The following MARK1 variants were observed in gnomAD, a reference collection of about 807,000 sequenced individuals.
MARK1 encodes the protein microtubule affinity regulating kinase 1, also known as serine/threonine-protein kinase MARK1.
MARK1 carries 40 observed loss-of-function variants against 96.3 expected under a neutral mutation model. The ratio of observed to expected loss-of-function variants is 0.42; its 90% CI spans 0.32 to 0.54. MARK1 has a LOEUF of 0.54. Ranked by LOEUF, MARK1 falls within the 20% of genes least tolerant of loss-of-function variation. MARK1 has a pLI of 0.16. For synonymous variants in MARK1, 317 were observed against 341.2 expected (o/e 0.93, Z 0.78); for missense variants, 719 against 984.6 (o/e 0.73, Z 3.61).
In MARK1 at chr1:220,535,179, G is replaced by A. The variant is rs184924662; in HGVS notation, c.51+6306G>A. 1.8e-4 allele frequency among the ~76,000 whole-genome samples: 28 copies of A among 152,190 alleles called. No individual in the cohort carries two copies. The East Asian group carries it at 5.4e-3, about 29-fold the overall frequency. On this transcript the variant is annotated intron_variant, in intron 1 of 17. Transcript: ENST00000366917. ...GCAGCATTTTACATTTCCACCAACA[G>A]TGCACAAGGGTTGCAATTTCTCTAC... is the stretch of plus-strand genomic sequence containing the variant.
intron 3 of MARK1, among the ~76,000 whole-genome samples, chr1:220,587,528 C>A (rs1220438934): frequency 6.6e-6 from 1 of 152,046 alleles, no homozygotes; most frequent in African/African-American, 2.4e-5. Flanking sequence ...GCCACCAAGC[C>A]CAGCTAATTT....
rs1668861567 is a variant in MARK1, at chr1:220,651,342, C to T, written c.1571+622C>T. ...AGTCATTTCAGTAGTGTGTACAACC[C>T]ATTCTCACATTTGTTTCTTCTCACT... On this transcript the variant is annotated intron_variant, in intron 14 of 17. Coordinates refer to ENST00000366917, the MANE Select transcript of MARK1 (RefSeq NM_018650.5). Among the ~76,000 whole-genome samples, 3 of 152,194 alleles carry T rather than the reference C, an allele frequency of 2.0e-5. No homozygotes were observed. In the South Asian group the frequency reaches 6.2e-4, roughly 32 times the overall value.
chr1:220,581,240 G>A (rs544150517), intron 3 of MARK1, 122 bp downstream of exon 3: 138 of 368,468 alleles, frequency 3.7e-4, no homozygotes, highest in Admixed American at 2.1e-3. Flanking sequence ...AATATAAGAA[G>A]AAAAGACATA....
At chr1:220,612,081 T>C (rs1428259807) in intron 6 of MARK1, among the ~76,000 whole-genome samples, 3 of 152,188 alleles carry the variant, frequency 2.0e-5, no homozygotes, top group Non-Finnish European at 2.9e-5. Flanking sequence ...CACAGTAGCT[T>C]TTGTTAGTAG....
chr1:220,645,386 G>A (rs1292431034), intron 13 of MARK1, among the ~76,000 whole-genome samples: 1 of 152,140 alleles, frequency 6.6e-6, no homozygotes, highest in Non-Finnish European at 1.5e-5. Flanking sequence ...TCCCTGAATA[G>A]ACCAATAACA....
At chr1:220,532,922 G>A (rs907936926) in intron 1 of MARK1, among the ~76,000 whole-genome samples, 1 of 151,832 alleles carries the variant, frequency 6.6e-6, no homozygotes, top group African/African-American at 2.4e-5. Context: ...AGGTGGGAGG[G>A]TTGCTTGAGC....
chr1:220,559,296 A>C (rs989265361), intron 1 of MARK1, among the ~76,000 whole-genome samples: 1 of 152,208 alleles, frequency 6.6e-6, no homozygotes, highest in Non-Finnish European at 1.5e-5. Context: ...GAGAATAAAG[A>C]GGGATAGGTC....
At chr1:220,611,696 C>T (rs1428797449) in intron 6 of MARK1, among the ~76,000 whole-genome samples, 3 of 151,968 alleles carry the variant, frequency 2.0e-5, no homozygotes, top group African/African-American at 4.8e-5. Context: ...CTTGGAATGT[C>T]CCTCGACATG....
chr1:220,541,710 A>G (rs1661163148), intron 1 of MARK1, among the ~76,000 whole-genome samples: 1 of 152,180 alleles, frequency 6.6e-6, no homozygotes, highest in African/African-American at 2.4e-5. Flanking sequence ...TATCTGATGT[A>G]AGTTTGGCTA....
intron 6 of MARK1, among the ~76,000 whole-genome samples, chr1:220,607,892 C>A (rs2102935110): frequency 6.6e-6 from 1 of 152,234 alleles, no homozygotes; most frequent in South Asian, 2.1e-4. Context: ...CCTTGCATCC[C>A]AGGGATGAAG....
At chr1:220,601,295 A>C (rs987873815) in intron 5 of MARK1, among the ~76,000 whole-genome samples, 1 of 142,938 alleles carries the variant, frequency 7.0e-6, no homozygotes, top group Non-Finnish European at 1.5e-5. Flanking sequence ...TGAATATTTT[A>C]GTCTTTTTTT....
intron 1 of MARK1, among the ~76,000 whole-genome samples, chr1:220,543,949 A>C (rs1661315338): frequency 6.6e-6 from 1 of 152,224 alleles, no homozygotes; most frequent in South Asian, 2.1e-4. Flanking sequence ...AATTAACCTC[A>C]TATTATGATG....
At chr1:220,610,377 C>T (rs1010717299) in intron 6 of MARK1, among the ~76,000 whole-genome samples, 6 of 152,176 alleles carry the variant, frequency 3.9e-5, no homozygotes, top group African/African-American at 7.2e-5. Flanking sequence ...ACGAAGTTCT[C>T]GCACCATGGT....
intron 1 of MARK1, among the ~76,000 whole-genome samples, chr1:220,548,441 T>G (rs959498514): frequency 2.0e-5 from 3 of 152,144 alleles, no homozygotes; most frequent in African/African-American, 7.2e-5. Flanking sequence ...ATGTAATGAT[T>G]TAGAGAACAA....
chr1:220,528,752 C>T lies in MARK1; in HGVS notation c.-71C>T, dbSNP rs570940392. The T allele has an allele frequency of 7.8e-5, 114 of 1,459,260 alleles. 1 individual carries two copies. In the African/African-American group the frequency reaches 1.3e-3, roughly 17 times the overall value. 90.4% of individuals were successfully genotyped at this position (1,459,260 alleles called of 1,614,324 possible). ...TTGTGCTCGCGTCCGCACCCCTTTC[C>T]TGTCGCCCCCCGGGGCCCGCACCAC... On this transcript the variant is annotated 5_prime_UTR_variant, in exon 1 of 18. Transcript: ENST00000366917.
chr1:220,651,759 T>A (rs574148281), intron 14 of MARK1, among the ~76,000 whole-genome samples: 1 of 152,290 alleles, frequency 6.6e-6, no homozygotes, highest in African/African-American at 2.4e-5. Flanking sequence ...GTGTGTGAGA[T>A]TTTTTTCATA....
At chr1:220,633,774 GT>G (rs1667801210) in intron 11 of MARK1, among the ~76,000 whole-genome samples, 1 of 152,240 alleles carries the variant, frequency 6.6e-6, no homozygotes, top group African/African-American at 2.4e-5. Context: ...ATGGAAGACT[GT>G]GTAAGCACAT....
chr1:220,538,599 T>A (rs891729951), intron 1 of MARK1, among the ~76,000 whole-genome samples: 5 of 151,176 alleles, frequency 3.3e-5, no homozygotes, highest in Non-Finnish European at 7.4e-5. Flanking sequence ...TTTTTCCAAT[T>A]CTGTGAAGAA....
chr1:220,586,949 ATATT>A (rs1558279210), intron 3 of MARK1, among the ~76,000 whole-genome samples: 1 of 152,102 alleles, frequency 6.6e-6, no homozygotes, highest in Non-Finnish European at 1.5e-5. Context: ...CTTTCTCATG[ATATT>A]TATTTATTGC....
Sources: gnomAD v4.1 joint callset for allele counts (sites outside exome capture counted in the v4.1 genomes callset) on GRCh38, gnomAD v4.1.1 for gene constraint, MANE v1.5 for transcripts, NCBI Gene and HGNC (gene_info 2026-07-23, HGNC 2026-07-21) for gene names.